Variants in TRIM22 observed in about 807,000 individuals in gnomAD.
TRIM22 encodes E3 ubiquitin-protein ligase TRIM22.
In TRIM22, 45 loss-of-function variants were observed where a neutral mutation model predicts 53.6. The ratio of observed to expected loss-of-function variants is 0.84; its 90% CI spans 0.66 to 1.08. TRIM22 has a LOEUF of 1.08. Ranked by LOEUF, TRIM22 falls within the 50% of genes least tolerant of loss-of-function variation. The probability of loss-of-function intolerance (pLI) is 0.00; values close to 1 mark genes in which losing one functional copy is unlikely to be tolerated. For synonymous variants in TRIM22, 225 were observed against 216.6 expected (o/e 1.04, Z -0.34); for missense variants, 616 against 590.9 (o/e 1.04, Z -0.44).
intron 1 of TRIM22, among the ~76,000 whole-genome samples, chr11:5,694,921 G>T (rs957097752): frequency 6.6e-6 from 1 of 152,104 alleles, no homozygotes; most frequent in African/African-American, 2.4e-5. Context: ...GGTCCCAAAG[G>T]TCAGCTATTG....
chr11:5,707,812 A>AAAACAAACAAACAAACAAAC (rs35942918), intron 5 of TRIM22, among the ~76,000 whole-genome samples: 1 of 151,712 alleles, frequency 6.6e-6, no homozygotes, highest in Non-Finnish European at 1.5e-5. Context: ...ACCCCATCTC[A>AAAACAAACAAACAAACAAAC]AAACAAACAA....
chr11:5,708,539 TG>T, intron 6 of TRIM22, 37 bp from the exon 7 acceptor site: 4 of 1,585,826 alleles, frequency 2.5e-6, no homozygotes. Flanking sequence ...CTTACTTATT[TG>T]CTTCTAACAA....
chr11:5,695,623 T>C (rs1019934265), intron 1 of TRIM22, among the ~76,000 whole-genome samples: 1 of 151,986 alleles, frequency 6.6e-6, no homozygotes, highest in African/African-American at 2.4e-5. Flanking sequence ...AATAGTTATA[T>C]AGTTCCACAG....
At chr11:5,708,074 G>A (rs1853489313) in intron 5 of TRIM22, 99 bp from the exon 6 acceptor site, 2 of 953,766 alleles carry the variant, frequency 2.1e-6, no homozygotes, top group Non-Finnish European at 3.3e-6. Flanking sequence ...GAGGGTCCAA[G>A]TGCGTCAGCA....
At chr11:5,697,198 G>C in intron 2 of TRIM22, 50 bp from the exon 3 acceptor site, 1 of 1,408,048 alleles carries the variant, frequency 7.1e-7, no homozygotes, top group South Asian at 1.3e-5. Flanking sequence ...CCTCTATTCA[G>C]GTGCTGAGAA....
chr11:5,709,395 C>T lies in TRIM22; in HGVS notation c.1244C>T (p.Thr415Ile), dbSNP rs150095329. Residue 415 changes from threonine to isoleucine, a missense_variant, in exon 8 of 8, where the codon ACA becomes ATA. Physicochemically the swap from Thr to Ile is moderately conservative, Grantham distance 89. Coordinates refer to ENST00000379965, the MANE Select transcript of TRIM22 (RefSeq NM_006074.5). ...YGYWVIGLQN[T>I]CEYNAFEDSS... ...TACTGGGTTATAGGATTACAGAATA[C>T]ATGTGAATATAATGCTTTTGAGGAC... 9.8e-4 allele frequency: 1,581 copies of T among 1,614,170 alleles called. 17 individuals carry two copies. In the African/African-American group the frequency reaches 0.019, roughly 20 times the overall value.
intron 4 of TRIM22, among the ~76,000 whole-genome samples, chr11:5,705,315 G>A (rs1853442411): frequency 6.6e-6 from 1 of 152,156 alleles, no homozygotes; most frequent in Non-Finnish European, 1.5e-5. Context: ...AACCAGGAGA[G>A]TCAAGCTGAT....
intron 1 of TRIM22, among the ~76,000 whole-genome samples, chr11:5,695,568 T>TTTG (rs1279137570): frequency 1.1e-4 from 16 of 151,224 alleles, no homozygotes; most frequent in Non-Finnish European, 2.1e-4. Context: ...GCATTAGGGT[T>TTTG]TTTTTTTTTC....
intron 1 of TRIM22, among the ~76,000 whole-genome samples, chr11:5,691,934 C>T (rs2134169904): frequency 6.6e-6 from 1 of 151,948 alleles, no homozygotes; most frequent in South Asian, 2.1e-4. Context: ...GTACAGGACC[C>T]AATAAATAAA....
chr11:5,703,447 G>A (rs4910838), intron 4 of TRIM22, among the ~76,000 whole-genome samples: 86,435 of 150,712 alleles, frequency 0.57, 24,943 homozygotes, highest in Admixed American at 0.63. Flanking sequence ...GAGCAGTGGC[G>A]CAATCTTGGC....
At position 5,709,822 on chromosome 11, in the gene TRIM22, G is replaced by A; in HGVS notation, c.*174G>A. The A allele has an allele frequency of 1.6e-6, 1 of 619,412 alleles. No individual in the cohort carries two copies. The highest frequency in any genetic ancestry group is 2.8e-6 in the Non-Finnish European group (1 of 359,964). 38.4% of individuals were successfully genotyped at this position (619,412 alleles called of 1,614,324 possible). ...CCATAGCAAAGCATCATAGATTGCTGATTTAAACTGTAATTGTATTGCCGT... is the reference window on the plus strand; with the variant it reads ...CCATAGCAAAGCATCATAGATTGCTAATTTAAACTGTAATTGTATTGCCGT... On this transcript the variant is annotated 3_prime_UTR_variant, in exon 8 of 8. Transcript: ENST00000379965.
Position 5,708,861 on chromosome 11 carries a change from C to T in TRIM22, c.902-192C>T, listed in dbSNP as rs879801854. Among the ~76,000 whole-genome samples, 24 of 152,014 alleles carry T rather than the reference C, an allele frequency of 1.6e-4. No homozygotes were observed. The highest frequency in any genetic ancestry group is 5.1e-4 in the African/African-American group (21 of 41,384). ...CCTCCCAAGTAGCTGGGATTACAGG[C>T]GTGTGCCACCACGCTTGGCTAATTT... is the stretch of plus-strand genomic sequence containing the variant. On this transcript the variant is annotated intron_variant, in intron 7 of 7. Transcript: ENST00000379965.
At chr11:5,694,264 C>T (rs894612005) in intron 1 of TRIM22, among the ~76,000 whole-genome samples, 1 of 152,180 alleles carries the variant, frequency 6.6e-6, no homozygotes, top group South Asian at 2.1e-4. Context: ...ACTTTTCTCC[C>T]ATGACCAACA....
intron 5 of TRIM22, among the ~76,000 whole-genome samples, chr11:5,707,539 G>T (rs1353192605): frequency 6.6e-6 from 1 of 152,342 alleles, no homozygotes; most frequent in South Asian, 2.1e-4. Flanking sequence ...GCTGGGTGCA[G>T]TGGGTCACGC....
intron 4 of TRIM22, among the ~76,000 whole-genome samples, chr11:5,704,466 G>C (rs1853426621): frequency 6.6e-6 from 1 of 152,082 alleles, no homozygotes; most frequent in African/African-American, 2.4e-5. Context: ...GGTTTTATCT[G>C]AATGGATGTT....
Position 5,708,216 on chromosome 11 carries a change from A to G in TRIM22, c.817A>G (p.Lys273Glu). 1.2e-6 allele frequency: 2 copies of G among 1,614,234 alleles called. No individual in the cohort carries two copies. The highest frequency in any genetic ancestry group is 1.1e-5 in the South Asian group (1 of 91,090). ...TLKKPKSVSK[K>E]LKSVFRVPDL... ...GAAGAAGCCAAAATCTGTTTCCAAG[A>G]AACTAAAGAGTGTATTCCGAGTACC... Residue 273 changes from lysine (K) to glutamate (E), a missense_variant, in exon 6 of 8, where the codon AAA becomes GAA. Physicochemically the swap from Lys to Glu is moderately conservative, Grantham distance 56 (BLOSUM62 1). Coordinates refer to ENST00000379965, the MANE Select transcript of TRIM22 (RefSeq NM_006074.5).
chr11:5,702,792 A>G (rs908860794), intron 4 of TRIM22, among the ~76,000 whole-genome samples: 1 of 152,126 alleles, frequency 6.6e-6, no homozygotes, highest in Non-Finnish European at 1.5e-5. Context: ...GAAGATCTGA[A>G]TTTCAGACAT....
chr11:5,708,564 T>C lies in TRIM22; in HGVS notation c.875-13T>C, dbSNP rs1458429433. ...TGCTTCTAACAACATCACTGAAACT[T>C]TTGTCGTTTCAGAGCTGACAGATGT... On this transcript the variant is annotated splice_polypyrimidine_tract_variant and intron_variant, in intron 6 of 7. Coordinates refer to ENST00000379965, the MANE Select transcript of TRIM22 (RefSeq NM_006074.5). 5.0e-5 allele frequency: 80 copies of C among 1,601,482 alleles called. No individual in the cohort carries two copies. Among genetic ancestry groups the C allele is most frequent in the Non-Finnish European group, 6.3e-5 (74 of 1,176,494 alleles).
At position 5,696,909 on chromosome 11, in the gene TRIM22, C is replaced by T. The variant is rs1012891319; in HGVS notation, c.423+254C>T. The stretch of plus-strand genomic sequence containing the variant: ...AGAATTGCTTTGTAAGATAAGCTTT[C>T]ATTGCCCCTCCAAGAAGAACAGTAT... On this transcript the variant is annotated intron_variant, in intron 2 of 7. Coordinates refer to ENST00000379965, the MANE Select transcript of TRIM22 (RefSeq NM_006074.5). 10 of 529,046 alleles carry T rather than the reference C, an allele frequency of 1.9e-5. No homozygotes were observed. In the Admixed American group the frequency reaches 2.1e-4, roughly 11 times the overall value. The allele number at this position is 529,046 out of a possible 1,614,324, so 32.8% of individuals were successfully genotyped here. A position where few individuals can be genotyped will look rare whatever the true frequency, so the allele number is the denominator to read the frequency against.
Sources: allele counts gnomAD v4.1 joint callset (sites outside exome capture counted in the v4.1 genomes callset), GRCh38; gene constraint gnomAD v4.1.1; transcripts MANE v1.5; gene names NCBI Gene and HGNC (gene_info 2026-07-23, HGNC 2026-07-21).